The following TMEM184B variants were observed in gnomAD, a reference collection of about 807,000 sequenced individuals.
TMEM184B encodes transmembrane protein 184B.
In TMEM184B, 17 loss-of-function variants were observed where a neutral mutation model predicts 41.8. The observed-to-expected ratio is 0.41, with a 90% CI of 0.28 to 0.61. The LOEUF (loss-of-function observed/expected upper bound fraction) is 0.61, where lower values mean the gene tolerates loss of function less well. TMEM184B is among the 20% of genes least tolerant of loss of function. The pLI is 0.34. For missense variants in TMEM184B, 393 were observed against 557.8 expected, an observed-to-expected ratio of 0.70 and a Z score of 2.98; for synonymous variants, 240 against 229.5, an observed-to-expected ratio of 1.05 and a Z score of -0.41.
Position 38,220,198 on chromosome 22 carries a change from C to T in TMEM184B, c.*1271G>A, listed in dbSNP as rs139350432. Reference sequence around the variant, plus strand: ...CAGCCTGCTGGGGGTTCCGGAGGCCCCAGGTCTAGAGGTGTGGAGGGGGAG... The same window carrying T: ...CAGCCTGCTGGGGGTTCCGGAGGCCTCAGGTCTAGAGGTGTGGAGGGGGAG... On this transcript the variant is annotated 3_prime_UTR_variant, in exon 9 of 9. Coordinates refer to ENST00000361906, the MANE Select transcript of TMEM184B (RefSeq NM_012264.5). 1,200 of 985,344 alleles carry T rather than the reference C, an allele frequency of 1.2e-3. 7 individuals are homozygous for T. The African/African-American group carries it at 0.017, about 14-fold the overall frequency. 61.0% of individuals were successfully genotyped at this position (985,344 alleles called of 1,614,324 possible).
In TMEM184B at chr22:38,226,123, A is replaced by T. The variant is rs985191720; in HGVS notation, c.618-530T>A. Among the ~76,000 whole-genome samples, 1 of 147,886 alleles carries T rather than the reference A, an allele frequency of 6.8e-6. No homozygotes were observed. Among genetic ancestry groups the T allele is most frequent in the Admixed American group, 6.8e-5 (1 of 14,728 alleles). ...ATATGGAGTTTTGTTCTTGTCACCCAGGCTAGAGTGCAATGGCGTGATCTT... is the reference window on the plus strand; with the variant it reads ...ATATGGAGTTTTGTTCTTGTCACCCTGGCTAGAGTGCAATGGCGTGATCTT... On this transcript the variant is annotated intron_variant, in intron 6 of 8. Coordinates refer to ENST00000361906, the MANE Select transcript of TMEM184B (RefSeq NM_012264.5). The surrounding 1 kb of genome is among the most constrained non-coding windows in gnomAD (Gnocchi z 4.6).
At chr22:38,271,392 A>G (rs2092520184) in intron 1 of TMEM184B, among the ~76,000 whole-genome samples, 1 of 152,192 alleles carries the variant, frequency 6.6e-6, no homozygotes, top group South Asian at 2.1e-4. Flanking sequence ...GAACGTCATG[A>G]ATTCCCTCTG....
downstream of TMEM184B, among the ~76,000 whole-genome samples, chr22:38,216,948 T>G (rs982076430): frequency 6.6e-6 from 1 of 152,124 alleles, no homozygotes; most frequent in Non-Finnish European, 1.5e-5. Context: ...CTGAAGAGGC[T>G]GAGGTGGGAG....
intron 1 of TMEM184B, among the ~76,000 whole-genome samples, chr22:38,259,055 T>C (rs184707099): frequency 6.6e-6 from 1 of 152,172 alleles, no homozygotes; most frequent in Non-Finnish European, 1.5e-5. Context: ...CCCACCTCCC[T>C]CCTCTTCCAG....
chr22:38,233,924 C>T (rs1437744060), intron 3 of TMEM184B, among the ~76,000 whole-genome samples: 2 of 152,116 alleles, frequency 1.3e-5, no homozygotes, highest in Non-Finnish European at 1.5e-5. Context: ...CGCACACCAC[C>T]ACACCCAGCT....
chr22:38,251,330 C>G (rs2092158212), intron 1 of TMEM184B, among the ~76,000 whole-genome samples: 1 of 152,236 alleles, frequency 6.6e-6, no homozygotes, highest in African/African-American at 2.4e-5. Context: ...AACATTATCT[C>G]CATCTTAGAG....
intron 3 of TMEM184B, chr22:38,231,795 G>C (rs2091633510): frequency 2.9e-6 from 1 of 348,788 alleles, no homozygotes; most frequent in Admixed American, 4.0e-5. Flanking sequence ...GGGAGTTCTG[G>C]GCTGTAGTGT....
intron 8 of TMEM184B, chr22:38,222,509 G>A: frequency 1.2e-6 from 1 of 826,080 alleles, no homozygotes; most frequent in Non-Finnish European, 1.5e-6. Context: ...CAGGTGCTCT[G>A]GGCGCTCCCA....
intron 1 of TMEM184B, among the ~76,000 whole-genome samples, chr22:38,264,663 G>A (rs772445904): frequency 1.3e-5 from 2 of 152,130 alleles, no homozygotes; most frequent in Admixed American, 1.3e-4. Context: ...AGATGGAGGC[G>A]GGTCTCTGGA....
In TMEM184B at chr22:38,219,393, G is replaced by A. The variant is rs1709209115; in HGVS notation, c.*2076C>T. 5.1e-6 allele frequency: 5 copies of A among 985,682 alleles called. No homozygotes were observed. The highest frequency in any genetic ancestry group is 4.8e-6 in the Non-Finnish European group (4 of 829,944). The allele number at this position is 985,682 out of a possible 1,614,324, so 61.1% of individuals were successfully genotyped here. A position where few individuals can be genotyped will look rare whatever the true frequency, so the allele number is the denominator to read the frequency against. Reference sequence around the variant, plus strand: ...AAAATGTCACAGAGACCAAAATAGAGTGGCTTTCTGGTGGAACTCATGGCA... The same window carrying A: ...AAAATGTCACAGAGACCAAAATAGAATGGCTTTCTGGTGGAACTCATGGCA... On this transcript the variant is annotated 3_prime_UTR_variant, in exon 9 of 9. Coordinates refer to ENST00000361906, the MANE Select transcript of TMEM184B (RefSeq NM_012264.5).
At chr22:38,217,981 A>G (rs1344472726), downstream of TMEM184B, among the ~76,000 whole-genome samples, 2 of 152,150 alleles carry the variant, frequency 1.3e-5, no homozygotes, top group African/African-American at 2.4e-5. Flanking sequence ...AAGAAGAAGA[A>G]ATTTAGGGTT....
At chr22:38,232,979 C>T (rs2091675340) in intron 3 of TMEM184B, among the ~76,000 whole-genome samples, 1 of 152,186 alleles carries the variant, frequency 6.6e-6, no homozygotes, top group Non-Finnish European at 1.5e-5. Flanking sequence ...GATTTGCAGA[C>T]ACTTCCCACC....
chr22:38,233,687 A>G (rs1477540052), intron 3 of TMEM184B, among the ~76,000 whole-genome samples: 1 of 152,190 alleles, frequency 6.6e-6, no homozygotes, highest in African/African-American at 2.4e-5. Context: ...AAACCTCACA[A>G]GGCCAAGCAC....
downstream of TMEM184B, among the ~76,000 whole-genome samples, chr22:38,217,734 C>T (rs1364247450): frequency 7.1e-6 from 1 of 141,344 alleles, no homozygotes; most frequent in African/African-American, 2.6e-5. Flanking sequence ...GAGGTTGAGA[C>T]AAGAGAGAAT....
chr22:38,256,977 G>GTTTTT (rs777863582), intron 1 of TMEM184B, among the ~76,000 whole-genome samples: 13 of 124,292 alleles, frequency 1.0e-4, no homozygotes, highest in African/African-American at 3.7e-4. Flanking sequence ...GACATTAATA[G>GTTTTT]TTTTTTTTTT....
intron 3 of TMEM184B, among the ~76,000 whole-genome samples, chr22:38,233,576 C>T (rs2091691780): frequency 6.6e-6 from 1 of 152,172 alleles, no homozygotes; most frequent in Non-Finnish European, 1.5e-5. Context: ...AAGTCTCCAC[C>T]AATCTCCAGA....
chr22:38,228,084 T>C (rs998960562), intron 5 of TMEM184B, among the ~76,000 whole-genome samples: 5 of 152,170 alleles, frequency 3.3e-5, no homozygotes, highest in African/African-American at 1.2e-4. Flanking sequence ...GGGATCTGAG[T>C]GGGTCTTGCA....
chr22:38,222,760 G>A, intron 8 of TMEM184B: 1 of 967,864 alleles, frequency 1.0e-6, no homozygotes, highest in Non-Finnish European at 1.2e-6. Flanking sequence ...TGAACAATGT[G>A]TGCCCACCAC....
At chr22:38,266,979 A>G (rs1037133527) in intron 1 of TMEM184B, among the ~76,000 whole-genome samples, 80 of 151,742 alleles carry the variant, frequency 5.3e-4, no homozygotes, top group African/African-American at 1.9e-3. Context: ...GCTACTCGGG[A>G]GGCTGAGGCA....
Sources: gnomAD v4.1 joint callset for allele counts (sites outside exome capture counted in the v4.1 genomes callset) on GRCh38, gnomAD v4.1.1 for gene constraint, Gnocchi (gnomAD v3.1) non-coding constraint, MANE v1.5 for transcripts, NCBI Gene and HGNC (gene_info 2026-07-23, HGNC 2026-07-21) for gene names.